Variants in KNG1 observed in about 807,000 individuals in gnomAD.
KNG1 encodes the protein kininogen 1, also known as kininogen-1.
A neutral mutation model predicts 47.8 loss-of-function variants in KNG1; 23 were observed. That is an observed-to-expected ratio of 0.48 (90% CI 0.35 to 0.68). The LOEUF is 0.68. Ranked by LOEUF, KNG1 falls within the 30% of genes least tolerant of loss-of-function variation. The pLI is 0.01. For missense variants in KNG1, 762 were observed against 790.2 expected, an observed-to-expected ratio of 0.96 and a Z score of 0.43; for synonymous variants, 277 against 277.0, an observed-to-expected ratio of 1.00 and a Z score of 0.00.
intron 4 of KNG1, among the ~76,000 whole-genome samples, chr3:186,725,542 G>GCTTTTTTTTTTTTTTTT (rs1560063426): frequency 1.3e-5 from 1 of 75,022 alleles, no homozygotes; most frequent in Non-Finnish European, 2.8e-5. Flanking sequence ...CCGGCCTTAG[G>GCTTTTTTTTTTTTTTTT]ATTTTTTTTT....
intron 7 of KNG1, among the ~76,000 whole-genome samples, chr3:186,733,242 CTAAATAAA>C (rs10576660): frequency 1.3e-5 from 2 of 150,394 alleles, no homozygotes; most frequent in South Asian, 2.1e-4. Flanking sequence ...GAGACTCTGT[CTAAATAAA>C]TAAATAAATA....
intron 9 of KNG1, among the ~76,000 whole-genome samples, chr3:186,739,751 G>C (rs1164372942): frequency 1.3e-5 from 2 of 152,172 alleles, no homozygotes; most frequent in East Asian, 3.9e-4. Flanking sequence ...GACATGCAAG[G>C]ACCATGTGAA....
At position 186,742,770 on chromosome 3, in the gene KNG1, G is replaced by A. The variant is rs1720848802; in HGVS notation, c.*439G>A. On this transcript the variant is annotated 3_prime_UTR_variant, in exon 10 of 10. Coordinates refer to ENST00000644859, the MANE Select transcript of KNG1 (RefSeq NM_001102416.3). ...AAATGCTGAACTTATTAATGGAATA[G>A]AAATAATAAGGAGGCTGAGGCTGGA... 6 of 1,001,058 alleles carry A rather than the reference G, an allele frequency of 6.0e-6. No individual in the cohort carries two copies. The highest frequency in any genetic ancestry group is 6.0e-6 in the Non-Finnish European group (5 of 839,052). The allele number at this position is 1,001,058 out of a possible 1,614,324, so 62.0% of individuals were successfully genotyped here.
intron 5 of KNG1, among the ~76,000 whole-genome samples, chr3:186,730,636 A>G (rs1352143223): frequency 1.5e-5 from 2 of 130,714 alleles, no homozygotes; most frequent in Non-Finnish European, 3.1e-5. Flanking sequence ...AGCCTTGGCG[A>G]CAAAGAGAGA....
At chr3:186,727,034 G>GTA (rs922492770) in intron 4 of KNG1, among the ~76,000 whole-genome samples, 2 of 151,482 alleles carry the variant, frequency 1.3e-5, no homozygotes, top group African/African-American at 4.9e-5. Flanking sequence ...GTGTGTGTGT[G>GTA]TGTGTGTTTG....
At position 186,742,157 on chromosome 3, in the gene KNG1, G is replaced by T; in HGVS notation, c.1761G>T (p.Trp587Cys). ...SPAPIQSDDD[W>C]IPDIQIDPNG... is the part of the protein sequence containing the mutation. ...CTCCCATACAGAGTGATGACGATTG[G>T]ATCCCTGATATCCAGATAGACCCAA... The change falls in exon 10 of 10, where the codon TGG becomes TGT. Residue 587 changes from tryptophan (W) to cysteine (C), a missense_variant. Physicochemically the swap from Trp to Cys is radical, Grantham distance 215. Transcript: ENST00000644859. 1 of 1,614,098 alleles carries T rather than the reference G, an allele frequency of 6.2e-7. No homozygotes were observed. The highest frequency in any genetic ancestry group is 8.5e-7 in the Non-Finnish European group (1 of 1,180,012).
At chr3:186,724,976 G>C in intron 3 of KNG1, 112 bp from the exon 4 acceptor site, 1 of 1,154,902 alleles carries the variant, frequency 8.7e-7, no homozygotes, top group Non-Finnish European at 1.2e-6. Context: ...CTCCCAAAGT[G>C]CTGGGTTTAC....
At position 186,725,543 on chromosome 3, in the gene KNG1, A is replaced by ATTTTTTTTTTTTTTTTTTTTTTTTT. The variant is rs71167003; in HGVS notation, c.564+302_564+303insTTTTTTTTTTTTTTTTTTTTTTTTT. Among the ~76,000 whole-genome samples, 22 of 87,718 alleles carry ATTTTTTTTTTTTTTTTTTTTTTTTT rather than the reference A, an allele frequency of 2.5e-4. 6 individuals are homozygous for ATTTTTTTTTTTTTTTTTTTTTTTTT. Among genetic ancestry groups the ATTTTTTTTTTTTTTTTTTTTTTTTT allele is most frequent in the African/African-American group, 4.2e-4 (9 of 21,498 alleles). The allele number at this position is 87,718 out of a possible 152,430, so 57.5% of individuals were successfully genotyped here. A position where few individuals can be genotyped will look rare whatever the true frequency, so the allele number is the denominator to read the frequency against. On this transcript the variant is annotated intron_variant, in intron 4 of 9. Transcript: ENST00000644859. ...AAGGAAAAGTCATACCGGCCTTAGG[A>ATTTTTTTTTTTTTTTTTTTTTTTTT]TTTTTTTTTTTTTTTTTTTGAGACA...
chr3:186,720,487 A>G (rs1720159076), intron 2 of KNG1: 1 of 425,258 alleles, frequency 2.4e-6, no homozygotes, highest in Admixed American at 3.8e-5. Context: ...CTCCAGAGAG[A>G]TAACAAATTG....
At chr3:186,735,175 T>C (rs1720637952) in intron 7 of KNG1, among the ~76,000 whole-genome samples, 1 of 152,186 alleles carries the variant, frequency 6.6e-6, no homozygotes, top group Admixed American at 6.6e-5. Context: ...TTTATTCTTT[T>C]TTCGTTGTTG....
intron 1 of KNG1, among the ~76,000 whole-genome samples, chr3:186,718,973 T>C (rs564263689): frequency 3.3e-5 from 5 of 151,526 alleles, no homozygotes; most frequent in African/African-American, 1.2e-4. Context: ...TCTCTGGGAA[T>C]GTCAAGCAAT....
In KNG1 at chr3:186,739,389, C is replaced by G. The variant is rs761013605; in HGVS notation, c.1100C>G (p.Thr367Ser). ...CCCTGGGAGAAAAAAATTTACCCTACTGTCAACTGTCAACCACTGGGAATG... is the reference window on the plus strand; with the variant it reads ...CCCTGGGAGAAAAAAATTTACCCTAGTGTCAACTGTCAACCACTGGGAATG... ...VVPWEKKIYPTVNCQPLGMIS... is the reference protein window; with the variant it reads ...VVPWEKKIYPSVNCQPLGMIS... Residue 367 changes from threonine (T) to serine (S), a missense_variant, in exon 9 of 10, where the codon ACT becomes AGT. Thr to Ser is a moderately conservative substitution (Grantham distance 58, BLOSUM62 1). Coordinates refer to ENST00000644859, the MANE Select transcript of KNG1 (RefSeq NM_001102416.3). The G allele has an allele frequency of 6.2e-7, 1 of 1,610,214 alleles. No individual in the cohort carries two copies. The highest frequency in any genetic ancestry group is 8.5e-7 in the Non-Finnish European group (1 of 1,176,376).
chr3:186,734,944 A>C (rs1720631364), intron 7 of KNG1: 1 of 152,186 alleles, frequency 6.6e-6, no homozygotes, highest in Non-Finnish European at 1.5e-5. Flanking sequence ...TTGTAACTGA[A>C]AAAAAGTAAA....
At chr3:186,740,354 A>G (rs1041735377) in intron 9 of KNG1, among the ~76,000 whole-genome samples, 1 of 152,200 alleles carries the variant, frequency 6.6e-6, no homozygotes, top group Non-Finnish European at 1.5e-5. Flanking sequence ...AGTCCTCCTT[A>G]TAACTCTGTG....
chr3:186,724,911 A>G (rs1720305575), intron 3 of KNG1, among the ~76,000 whole-genome samples, 177 bp from the exon 4 acceptor site: 1 of 151,958 alleles, frequency 6.6e-6, no homozygotes, highest in Non-Finnish European at 1.5e-5. Context: ...GGGTTTCACC[A>G]TGTTAGTCAG....
Position 186,717,382 on chromosome 3 carries a change from A to G in KNG1, c.-161A>G. 1.5e-6 allele frequency: 1 copy of G among 652,710 alleles called. No homozygotes were observed. The highest frequency in any genetic ancestry group is 2.7e-6 in the Non-Finnish European group (1 of 364,450). 40.4% of individuals were successfully genotyped at this position (652,710 alleles called of 1,614,324 possible). ...CCATTTAACCTTTGGGAACAAGGCAACTAGCGTCTGGCAGCAGGAATCCAA... is the reference window on the plus strand; with the variant it reads ...CCATTTAACCTTTGGGAACAAGGCAGCTAGCGTCTGGCAGCAGGAATCCAA... On this transcript the variant is annotated 5_prime_UTR_variant, in exon 1 of 10. Coordinates refer to ENST00000644859, the MANE Select transcript of KNG1 (RefSeq NM_001102416.3).
At chr3:186,737,017 T>G (rs1579127948) in intron 7 of KNG1, 2 of 152,322 alleles carry the variant, frequency 1.3e-5, no homozygotes, top group Admixed American at 1.3e-4. Context: ...CACTCCAGCC[T>G]GGGTGACAGA....
intron 5 of KNG1, among the ~76,000 whole-genome samples, chr3:186,730,999 T>C (rs1720516877): frequency 6.6e-6 from 1 of 152,096 alleles, no homozygotes; most frequent in South Asian, 2.1e-4. Flanking sequence ...TTTTCTACTT[T>C]AGGTATTTTG....
Position 186,725,180 on chromosome 3 carries a change from C to T in KNG1, c.484C>T (p.His162Tyr), listed in dbSNP as rs2108623150. Residue 162 changes from histidine (H) to tyrosine (Y), a missense_variant, in exon 4 of 10, where the codon CAC (histidine) becomes TAC (tyrosine). By Grantham distance (83) the His-to-Tyr change is moderately conservative (BLOSUM62 2). Coordinates refer to ENST00000644859, the MANE Select transcript of KNG1 (RefSeq NM_001102416.3). The part of the protein sequence containing the change: ...QSPDLEPILR[H>Y]GIQYFNNNTQ... ...CCCAGACCTGGAGCCCATTCTGAGA[C>T]ACGGCATTCAGTACTTTAACAACAA... is the stretch of plus-strand genomic sequence containing the variant. 1 of 1,614,170 alleles carries T rather than the reference C, an allele frequency of 6.2e-7. No homozygotes were observed. The highest frequency in any genetic ancestry group is 8.5e-7 in the Non-Finnish European group (1 of 1,179,994).
Sources: gnomAD v4.1 joint callset for allele counts (sites outside exome capture counted in the v4.1 genomes callset) on GRCh38, gnomAD v4.1.1 for gene constraint, MANE v1.5 for transcripts, NCBI Gene and HGNC (gene_info 2026-07-23, HGNC 2026-07-21) for gene names.